GPC6: variants seen among roughly 807,000 people sequenced by gnomAD.
GPC6 encodes the protein glypican 6, also known as glypican-6.
Under a neutral mutation model 55.2 loss-of-function variants are expected in GPC6, and 14 were observed. The observed-to-expected ratio is 0.25, with a 90% CI of 0.17 to 0.40. The LOEUF (loss-of-function observed/expected upper bound fraction) is 0.40, where lower values mean the gene tolerates loss of function less well. GPC6 is among the 10% of genes least tolerant of loss of function. The pLI is 1.00. For missense variants in GPC6, 641 were observed against 708.5 expected, an observed-to-expected ratio of 0.90 and a Z score of 1.08; for synonymous variants, 278 against 259.6, an observed-to-expected ratio of 1.07 and a Z score of -0.68.
chr13:94,358,687 G>A (rs994875823), intron 6 of GPC6, among the ~76,000 whole-genome samples: 1 of 152,172 alleles, frequency 6.6e-6, no homozygotes, highest in African/African-American at 2.4e-5. Flanking sequence ...TGTCTGTACT[G>A]AGAGCACATT....
chr13:93,283,055 T>G (rs964071590), intron 1 of GPC6, among the ~76,000 whole-genome samples: 2 of 120,340 alleles, frequency 1.7e-5, no homozygotes, highest in African/African-American at 6.4e-5. Context: ...GATAATCACT[T>G]TAAGCTCTTT....
rs577153239 is a variant in GPC6 at position 93,644,481 on chromosome 13, G to A, written c.319+99060G>A. Among the ~76,000 whole-genome samples the A allele has an allele frequency of 5.9e-5, 9 of 151,954 alleles. No individual in the cohort carries two copies. The East Asian group carries it at 1.4e-3, about 23-fold the overall frequency. ...GGGTACTACTTAAACAAATTATGGCGTTTCCACATTACATAACAGTCATGA... is the reference window on the plus strand; with the variant it reads ...GGGTACTACTTAAACAAATTATGGCATTTCCACATTACATAACAGTCATGA... On this transcript the variant is annotated intron_variant, in intron 2 of 8. Coordinates refer to ENST00000377047, the MANE Select transcript of GPC6 (RefSeq NM_005708.5).
intron 2 of GPC6, among the ~76,000 whole-genome samples, chr13:93,777,154 A>C (rs1313343827): frequency 6.6e-6 from 1 of 152,222 alleles, no homozygotes; most frequent in African/African-American, 2.4e-5. Flanking sequence ...CCATGCTGTC[A>C]TAATTGCCTA....
At chr13:94,007,607 T>A (rs1882073935) in intron 3 of GPC6, among the ~76,000 whole-genome samples, 1 of 152,196 alleles carries the variant, frequency 6.6e-6, no homozygotes, top group Non-Finnish European at 1.5e-5. Context: ...TTGGTCTTTG[T>A]CGTCCTTTTC....
intron 4 of GPC6, among the ~76,000 whole-genome samples, chr13:94,267,767 G>T (rs1421866134): frequency 2.6e-5 from 4 of 152,056 alleles, no homozygotes; most frequent in Non-Finnish European, 5.9e-5. Flanking sequence ...AGTGCTTTGG[G>T]GAAAAAAGCA....
At chr13:93,748,793 A>T (rs1392624683) in intron 2 of GPC6, among the ~76,000 whole-genome samples, 2 of 152,120 alleles carry the variant, frequency 1.3e-5, no homozygotes, top group African/African-American at 4.8e-5. Flanking sequence ...AAGGGATAAG[A>T]GTGTCTTATT....
chr13:93,688,480 G>A (rs1160886061), intron 2 of GPC6, among the ~76,000 whole-genome samples: 1 of 151,990 alleles, frequency 6.6e-6, no homozygotes, highest in Non-Finnish European at 1.5e-5. Context: ...TATGTTCATC[G>A]CAGTGTTTTT....
intron 2 of GPC6, among the ~76,000 whole-genome samples, chr13:93,650,985 A>G (rs1370686389): frequency 1.3e-5 from 2 of 152,198 alleles, no homozygotes. Context: ...TTCATGAACA[A>G]GCATTAAGTA....
At chr13:94,326,898 CCCT>C (rs1877149346) in intron 6 of GPC6, among the ~76,000 whole-genome samples, 1 of 152,184 alleles carries the variant, frequency 6.6e-6, no homozygotes, top group Non-Finnish European at 1.5e-5. Context: ...GTAACTTGTT[CCCT>C]CCTCCTATGA....
At chr13:93,632,782 G>T (rs1016009255) in intron 2 of GPC6, among the ~76,000 whole-genome samples, 1 of 151,778 alleles carries the variant, frequency 6.6e-6, no homozygotes, top group Non-Finnish European at 1.5e-5. Flanking sequence ...CACAGGTATG[G>T]ATCCTTTTCC....
At chr13:93,362,952 T>C (rs1199898906) in intron 1 of GPC6, among the ~76,000 whole-genome samples, 1 of 152,080 alleles carries the variant, frequency 6.6e-6, no homozygotes, top group African/African-American at 2.4e-5. Context: ...AGTATTAATT[T>C]TTAGGTGAAA....
At chr13:94,119,955 T>C (rs925070147) in intron 4 of GPC6, among the ~76,000 whole-genome samples, 2 of 152,044 alleles carry the variant, frequency 1.3e-5, no homozygotes, top group East Asian at 1.9e-4. Context: ...TTCTTACATA[T>C]AGATAAAATA....
intron 3 of GPC6, among the ~76,000 whole-genome samples, chr13:93,915,817 T>C (rs1482877422): frequency 6.6e-6 from 1 of 152,216 alleles, no homozygotes; most frequent in Non-Finnish European, 1.5e-5. Flanking sequence ...TGCCCCCCAG[T>C]TAAGCCATGC....
chr13:94,306,218 A>G lies in GPC6; in HGVS notation c.1152+95A>G, dbSNP rs774531282. The G allele has an allele frequency of 1.0e-5, 13 of 1,291,820 alleles. No individual in the cohort carries two copies. The East Asian group carries it at 2.8e-4, about 28-fold the overall frequency. The allele number at this position is 1,291,820 out of a possible 1,614,324, so 80.0% of individuals were successfully genotyped here. A position where few individuals can be genotyped will look rare whatever the true frequency, so the allele number is the denominator to read the frequency against. On this transcript the variant is annotated intron_variant, in intron 6 of 8. Transcript: ENST00000377047. The stretch of plus-strand genomic sequence containing the variant: ...GGAGATTCTGGAAAAGTTTGTTATA[A>G]GAGTCATCTCATGCTTATATCTGCC...
chr13:93,781,674 C>A lies in GPC6; in HGVS notation c.320-48480C>A, dbSNP rs115573460. Reference sequence around the variant, plus strand: ...AGATAATGTGATCCTCTGAAAATGTCTGAGACTGTCTGAGCCATGATATTA... The same window carrying A: ...AGATAATGTGATCCTCTGAAAATGTATGAGACTGTCTGAGCCATGATATTA... On this transcript the variant is annotated intron_variant, in intron 2 of 8. Transcript: ENST00000377047. 5.2e-3 allele frequency among the ~76,000 whole-genome samples: 787 copies of A among 152,228 alleles called. 7 individuals carry two copies. The highest frequency in any genetic ancestry group is 0.018 in the African/African-American group (753 of 41,540).
At chr13:94,028,792 T>C (rs959574322) in intron 4 of GPC6, among the ~76,000 whole-genome samples, 7 of 152,140 alleles carry the variant, frequency 4.6e-5, no homozygotes, top group Non-Finnish European at 1.0e-4. Flanking sequence ...GCAGAAATCA[T>C]TCAAGTGGTT....
At chr13:94,249,104 G>C (rs550207387) in intron 4 of GPC6, among the ~76,000 whole-genome samples, 17 of 152,216 alleles carry the variant, frequency 1.1e-4, no homozygotes, top group African/African-American at 3.6e-4. Flanking sequence ...TAAGGCCAAA[G>C]CTTTAGGGAA....
Position 93,311,043 on chromosome 13 carries a change from C to G in GPC6, c.160+83427C>G, listed in dbSNP as rs137868464. Reference sequence around the variant, plus strand: ...CTGATATAAAAATGAAGAGTTGGGTCTCAAAGGATTCACTGCCATTGTGTC... The same window carrying G: ...CTGATATAAAAATGAAGAGTTGGGTGTCAAAGGATTCACTGCCATTGTGTC... On this transcript the variant is annotated intron_variant, in intron 1 of 8. Transcript: ENST00000377047. Among the ~76,000 whole-genome samples, 98 of 152,214 alleles carry G rather than the reference C, an allele frequency of 6.4e-4. No individual in the cohort carries two copies. In the East Asian group the frequency reaches 0.017, roughly 26 times the overall value.
At position 93,523,084 on chromosome 13, in the gene GPC6, A is replaced by G. The variant is rs186779955; in HGVS notation, c.161-22179A>G. On this transcript the variant is annotated intron_variant, in intron 1 of 8. Coordinates refer to ENST00000377047, the MANE Select transcript of GPC6 (RefSeq NM_005708.5). The stretch of plus-strand genomic sequence containing the variant: ...GTATACATATACATATATGTGTGTA[A>G]CATGGTGTATGACATTTTACACACA... 4.0e-5 allele frequency among the ~76,000 whole-genome samples: 6 copies of G among 151,370 alleles called. No homozygotes were observed. The East Asian group carries it at 1.2e-3, about 30-fold the overall frequency.
Sources: allele counts gnomAD v4.1 joint callset (sites outside exome capture counted in the v4.1 genomes callset), GRCh38; gene constraint gnomAD v4.1.1; transcripts MANE v1.5; gene names NCBI Gene and HGNC (gene_info 2026-07-23, HGNC 2026-07-21).